The following ITM2B variants were observed in gnomAD, a reference collection of about 807,000 sequenced individuals.
ITM2B encodes ABri/ADan amyloid peptide.
In ITM2B, 11 loss-of-function variants were observed where a neutral mutation model predicts 27.8. That is an observed-to-expected ratio of 0.40 (90% confidence interval 0.25 to 0.66). The LOEUF is 0.66. ITM2B is among the 30% of genes least tolerant of loss of function. The probability of loss-of-function intolerance (pLI) is 0.43; values close to 1 mark genes in which losing one functional copy is unlikely to be tolerated. For missense variants in ITM2B, 296 were observed against 328.9 expected (o/e 0.90, Z 0.77); for synonymous variants, 114 against 114.3 (o/e 1.00, Z 0.02).
At position 48,233,436 on chromosome 13, in the gene ITM2B, G is replaced by A. The variant is rs1444464495; in HGVS notation, c.76G>A (p.Ala26Thr). 3.2e-6 allele frequency: 5 copies of A among 1,543,154 alleles called. No individual in the cohort carries two copies. ...GGACGAGCCCAAGAGCGGCGAGGAG[G>A]CGCTCATCATCCCCCCCGACGCCGT... is the stretch of plus-strand genomic sequence containing the variant. Reference protein sequence around the residue: ...KKDEPKSGEEALIIPPDAVAV... With the variant: ...KKDEPKSGEETLIIPPDAVAV... The change falls in exon 1 of 6, where the codon GCG (alanine) becomes ACG (threonine). Residue 26 changes from alanine to threonine, a missense_variant. By Grantham distance (58) the Ala-to-Thr change is moderately conservative. Transcript: ENST00000647800.
intron 2 of ITM2B, among the ~76,000 whole-genome samples, chr13:48,255,270 T>C (rs1045668998): frequency 5.3e-5 from 8 of 151,700 alleles, no homozygotes; most frequent in Non-Finnish European, 1.0e-4. Flanking sequence ...CGCGTGTGCG[T>C]GCGCGCACGT....
chr13:48,237,564 G>A (rs1021952748), intron 1 of ITM2B, among the ~76,000 whole-genome samples: 1 of 152,092 alleles, frequency 6.6e-6, no homozygotes, highest in Admixed American at 6.5e-5. Context: ...ACATATAAAA[G>A]GTTTATGTGA....
Position 48,264,603 on chromosome 13 carries a change from C to A in ITM2B, c.*3379C>A, listed in dbSNP as rs1281100308. 1 of 152,162 alleles carries A rather than the reference C, an allele frequency of 6.6e-6. No homozygotes were observed. The highest frequency in any genetic ancestry group is 1.5e-5 in the Non-Finnish European group (1 of 68,028). The allele number at this position is 152,162 out of a possible 1,614,324, so 9.4% of individuals were successfully genotyped here. ...GTTTGTTGCCCAGAGTTATATAAAT[C>A]CTACTCTATTGCACACTAATCTTTG... On this transcript the variant is annotated 3_prime_UTR_variant, in exon 6 of 6. Coordinates refer to ENST00000647800, the MANE Select transcript of ITM2B (RefSeq NM_021999.5).
In ITM2B at chr13:48,267,360, T is replaced by G. The variant is rs1350723253; in HGVS notation, c.*6136T>G. 1 of 152,206 alleles carries G rather than the reference T, an allele frequency of 6.6e-6. No homozygotes were observed. The highest frequency in any genetic ancestry group is 2.4e-5 in the African/African-American group (1 of 41,430). 9.4% of individuals were successfully genotyped at this position (152,206 alleles called of 1,614,324 possible). ...AACTCCAGGGAACATTACACTTTAT[T>G]TAACCCCTAATTATCTGATAACCCA... On this transcript the variant is annotated 3_prime_UTR_variant, in exon 6 of 6. Coordinates refer to ENST00000647800, the MANE Select transcript of ITM2B (RefSeq NM_021999.5).
chr13:48,262,225 TTAA>T lies in ITM2B; in HGVS notation c.*1006_*1008del, dbSNP rs1021756699. 9 of 152,118 alleles carry T rather than the reference TTAA, an allele frequency of 5.9e-5. No individual in the cohort carries two copies. Among genetic ancestry groups the T allele is most frequent in the African/African-American group, 9.7e-5 (4 of 41,432 alleles). The allele number at this position is 152,118 out of a possible 1,614,324, so 9.4% of individuals were successfully genotyped here. A position where few individuals can be genotyped will look rare whatever the true frequency, so the allele number is the denominator to read the frequency against. ...CGCCTCACAAGTGGAACATTTTGAGTTAATAATGATGATTTTTATGTTTCTAAG... is the reference window on the plus strand; with the variant it reads ...CGCCTCACAAGTGGAACATTTTGAGTTAATGATGATTTTTATGTTTCTAAG... On this transcript the variant is annotated 3_prime_UTR_variant, in exon 6 of 6. Coordinates refer to ENST00000647800, the MANE Select transcript of ITM2B (RefSeq NM_021999.5).
rs201018568 is a variant in ITM2B, at chr13:48,261,179, G to T, written c.756G>T (p.Arg252=). ...KREASNCFAI[R]HFENKFAVET... ...AAGCCAGCAATTGTTTCGCAATTCGGCATTTTGAAAACAAATTTGCCGTGG... is the reference window on the plus strand; with the variant it reads ...AAGCCAGCAATTGTTTCGCAATTCGTCATTTTGAAAACAAATTTGCCGTGG... The change falls in exon 6 of 6, where the codon CGG becomes CGT. Residue 252 remains arginine (R), a synonymous_variant. Coordinates refer to ENST00000647800, the MANE Select transcript of ITM2B (RefSeq NM_021999.5). 8.1e-6 allele frequency: 13 copies of T among 1,612,288 alleles called. No individual in the cohort carries two copies. The highest frequency in any genetic ancestry group is 1.3e-5 in the African/African-American group (1 of 74,824).
chr13:48,253,695 T>C (rs1951767582), intron 1 of ITM2B, 113 bp from the exon 2 acceptor site: 1 of 1,066,574 alleles, frequency 9.4e-7, no homozygotes, highest in African/African-American at 1.6e-5. Flanking sequence ...ACAACTCCTT[T>C]GGTCTTTGTG....
intron 1 of ITM2B, among the ~76,000 whole-genome samples, chr13:48,236,052 C>T (rs1951666583): frequency 6.6e-6 from 1 of 152,130 alleles, no homozygotes; most frequent in Admixed American, 6.5e-5. Context: ...AGTTCTATTA[C>T]CCCATTTTTC....
intron 4 of ITM2B, 118 bp from the exon 5 acceptor site, chr13:48,258,679 G>A (rs1951804070): frequency 3.4e-6 from 3 of 873,260 alleles, no homozygotes; most frequent in South Asian, 1.4e-5. Context: ...AACAGATGGT[G>A]GGTAGTAGTT....
chr13:48,241,699 G>A (rs966767991), intron 1 of ITM2B, among the ~76,000 whole-genome samples: 4 of 152,104 alleles, frequency 2.6e-5, no homozygotes, highest in African/African-American at 4.8e-5. Flanking sequence ...TTTTACATTC[G>A]GCAGTGCCCT....
chr13:48,255,229 TAG>T (rs1491390521), intron 2 of ITM2B, among the ~76,000 whole-genome samples: 3 of 100,242 alleles, frequency 3.0e-5, no homozygotes, highest in Admixed American at 9.0e-5. Flanking sequence ...GTAGTGTGTG[TAG>T]TGTGTGTGTG....
Position 48,269,400 on chromosome 13 carries a change from C to G in ITM2B, c.*8176C>G, listed in dbSNP as rs1951871530. 1 of 152,220 alleles carries G rather than the reference C, an allele frequency of 6.6e-6. No individual in the cohort carries two copies. Among genetic ancestry groups the G allele is most frequent in the Non-Finnish European group, 1.5e-5 (1 of 68,062 alleles). 9.4% of individuals were successfully genotyped at this position (152,220 alleles called of 1,614,324 possible). On this transcript the variant is annotated 3_prime_UTR_variant, in exon 6 of 6. Coordinates refer to ENST00000647800, the MANE Select transcript of ITM2B (RefSeq NM_021999.5). The stretch of plus-strand genomic sequence containing the variant: ...CTAGAGCCTCTTCTAAACAGAGTAG[C>G]TAGAGCGATCTTTTCTAAATCTAAG...
chr13:48,262,956 A>C lies in ITM2B; in HGVS notation c.*1732A>C, dbSNP rs1951831159. ...TTTTGCATTTTGGAAGGAGCTTATT[A>C]GTTTGTTTTCCTGTTGATTATAGTA... On this transcript the variant is annotated 3_prime_UTR_variant, in exon 6 of 6. Transcript: ENST00000647800. 1 of 152,162 alleles carries C rather than the reference A, an allele frequency of 6.6e-6. No individual in the cohort carries two copies. The highest frequency in any genetic ancestry group is 1.5e-5 in the Non-Finnish European group (1 of 68,034). 9.4% of individuals were successfully genotyped at this position (152,162 alleles called of 1,614,324 possible).
At chr13:48,260,987 C>G in intron 5 of ITM2B, 152 bp from the exon 6 acceptor site, 1 of 611,202 alleles carries the variant, frequency 1.6e-6, no homozygotes, top group Non-Finnish European at 2.9e-6. Flanking sequence ...AGAAAAATTA[C>G]TTTTCTTCAG....
rs1951788665 is a variant in ITM2B, at chr13:48,256,314, A to G, written c.384A>G (p.Glu128=). ...AAATCTTTGAAGAAGAAGAAGTTGA[A>G]TTTATCAGTGTGCCTGTCCCAGAGT... ...NIKIFEEEEV[E]FISVPVPEFA... is the part of the protein sequence containing the mutation. Residue 128 remains glutamate, a synonymous_variant, in exon 3 of 6, where the codon GAA becomes GAG. Coordinates refer to ENST00000647800, the MANE Select transcript of ITM2B (RefSeq NM_021999.5). 1 of 1,613,950 alleles carries G rather than the reference A, an allele frequency of 6.2e-7. No individual in the cohort carries two copies. The highest frequency in any genetic ancestry group is 1.1e-5 in the South Asian group (1 of 91,086).
intron 1 of ITM2B, among the ~76,000 whole-genome samples, chr13:48,235,353 G>T (rs142909182): frequency 3.9e-4 from 59 of 152,254 alleles, no homozygotes; most frequent in African/African-American, 1.4e-3. Context: ...TATTTTCTCA[G>T]ATCCTCCATA....
rs771097385 is a variant in ITM2B at position 48,261,260 on chromosome 13, T to C, written c.*36T>C. ...AAAACATTATTGAGGAAAATTAATATCACAGCATAACCCCACCCTTTACAT... is the reference window on the plus strand; with the variant it reads ...AAAACATTATTGAGGAAAATTAATACCACAGCATAACCCCACCCTTTACAT... On this transcript the variant is annotated 3_prime_UTR_variant, in exon 6 of 6. Transcript: ENST00000647800. 53 of 1,367,126 alleles carry C rather than the reference T, an allele frequency of 3.9e-5. No homozygotes were observed. The South Asian group carries it at 5.1e-4, about 13-fold the overall frequency. The allele number at this position is 1,367,126 out of a possible 1,614,324, so 84.7% of individuals were successfully genotyped here.
At chr13:48,240,866 A>G (rs955631590) in intron 1 of ITM2B, among the ~76,000 whole-genome samples, 13 of 152,220 alleles carry the variant, frequency 8.5e-5, no homozygotes, top group Non-Finnish European at 1.5e-4. Context: ...CTAACTCCCA[A>G]TCAAGCTGAA....
Position 48,269,445 on chromosome 13 carries a change from T to C in ITM2B, c.*8221T>C, listed in dbSNP as rs1951871809. On this transcript the variant is annotated 3_prime_UTR_variant, in exon 6 of 6. Transcript: ENST00000647800. ...TCTAAGCCACATCATGTCACTCCCC[T>C]GCTCAAATCCCAACATTTTATTCAG... The C allele has an allele frequency of 6.6e-6, 1 of 151,206 alleles. No individual in the cohort carries two copies. The highest frequency in any genetic ancestry group is 2.4e-5 in the African/African-American group (1 of 41,382). The allele number at this position is 151,206 out of a possible 1,614,324, so 9.4% of individuals were successfully genotyped here.
Sources: gnomAD v4.1 joint callset for allele counts (sites outside exome capture counted in the v4.1 genomes callset) on GRCh38, gnomAD v4.1.1 for gene constraint, MANE v1.5 for transcripts, NCBI Gene and HGNC (gene_info 2026-07-23, HGNC 2026-07-21) for gene names.